TBC1D22A: variants seen among roughly 807,000 people sequenced by gnomAD.
TBC1D22A encodes TBC1 domain family member 22A.
In TBC1D22A, 38 loss-of-function variants were observed where a neutral mutation model predicts 60.2. The ratio of observed to expected loss-of-function variants is 0.63; its 90% CI spans 0.49 to 0.83. The LOEUF (loss-of-function observed/expected upper bound fraction) is 0.83, where lower values mean the gene tolerates loss of function less well. Among genes scored for constraint, TBC1D22A ranks in the 40% least tolerant of loss-of-function variants. TBC1D22A has a pLI of 0.00. For missense variants in TBC1D22A, 628 were observed against 701.0 expected, an observed-to-expected ratio of 0.90 and a Z score of 1.18; for synonymous variants, 302 against 281.7, an observed-to-expected ratio of 1.07 and a Z score of -0.72.
At chr22:46,914,187 G>A (rs533554339) in intron 8 of TBC1D22A, 1 of 152,338 alleles carries the variant, frequency 6.6e-6, no homozygotes, top group South Asian at 2.1e-4. Flanking sequence ...TGTAATCCGA[G>A]CACTTAAGGA....
At chr22:46,922,192 T>C (rs1325183403) in intron 8 of TBC1D22A, among the ~76,000 whole-genome samples, 1 of 152,244 alleles carries the variant, frequency 6.6e-6, no homozygotes, top group Non-Finnish European at 1.5e-5. Flanking sequence ...ATCAGATGGC[T>C]GTAAATGTGT....
In TBC1D22A at chr22:47,087,745, TAAAG is replaced by T. The variant is rs1037003054; in HGVS notation, c.1330-23760_1330-23757del. Among the ~76,000 whole-genome samples the T allele has an allele frequency of 7.9e-5, 12 of 152,194 alleles. 1 individual carries two copies. The highest frequency in any genetic ancestry group is 6.5e-4 in the Admixed American group (10 of 15,292). On this transcript the variant is annotated intron_variant, in intron 11 of 12. Transcript: ENST00000337137. ...CATAAAAGAGAATCAAGCATAAAAT[TAAAG>T]AAGTAAAACACCCATAAGCTTAAAT...
At chr22:46,872,933 GGAACCTGGCGAATGAGCCATAT>G (rs1342630925) in intron 4 of TBC1D22A, among the ~76,000 whole-genome samples, 1 of 152,170 alleles carries the variant, frequency 6.6e-6, no homozygotes, top group Non-Finnish European at 1.5e-5. Context: ...AGCACCTGCA[GGAACCTGGCGAATGAGCCATAT>G]GAACCTGGAA....
chr22:47,121,213 C>T (rs5766681), intron 12 of TBC1D22A, among the ~76,000 whole-genome samples: 1 of 152,124 alleles, frequency 6.6e-6, no homozygotes, highest in East Asian at 1.9e-4. Flanking sequence ...ATAAGCACCG[C>T]TTTTAGCGAG....
intron 8 of TBC1D22A, among the ~76,000 whole-genome samples, chr22:46,957,657 G>T (rs559258423): frequency 6.6e-6 from 1 of 152,346 alleles, no homozygotes; most frequent in African/African-American, 2.4e-5. Context: ...AGATGGGTTG[G>T]AACTGGCTCG....
intron 10 of TBC1D22A, among the ~76,000 whole-genome samples, chr22:47,001,797 G>T (rs1184580995): frequency 1.3e-5 from 2 of 152,108 alleles, no homozygotes; most frequent in East Asian, 3.9e-4. Flanking sequence ...TCGAAACAAG[G>T]CTCATGGCTA....
chr22:46,788,628 A>G (rs1011647113), intron 1 of TBC1D22A, among the ~76,000 whole-genome samples: 2 of 152,214 alleles, frequency 1.3e-5, no homozygotes, highest in Non-Finnish European at 2.9e-5. Flanking sequence ...CACCCAGGAC[A>G]GTGCCTGCCT....
intron 9 of TBC1D22A, among the ~76,000 whole-genome samples, chr22:46,991,283 C>G (rs966212780): frequency 1.3e-5 from 2 of 152,136 alleles, no homozygotes; most frequent in African/African-American, 2.4e-5. Flanking sequence ...AACATGCTGC[C>G]GAGCCCCGTC....
intron 11 of TBC1D22A, among the ~76,000 whole-genome samples, chr22:47,052,946 C>T (rs2063276113): frequency 6.6e-6 from 1 of 152,220 alleles, no homozygotes; most frequent in African/African-American, 2.4e-5. Context: ...CTGGATGCCA[C>T]GCAGCTGTGA....
At chr22:46,959,641 G>T (rs990244852) in intron 8 of TBC1D22A, among the ~76,000 whole-genome samples, 7 of 152,206 alleles carry the variant, frequency 4.6e-5, no homozygotes, top group African/African-American at 1.7e-4. Context: ...CTTCGGCTCG[G>T]TTCTGGTGCC....
At chr22:46,822,240 C>T (rs1406041951) in intron 4 of TBC1D22A, among the ~76,000 whole-genome samples, 2 of 152,094 alleles carry the variant, frequency 1.3e-5, no homozygotes, top group East Asian at 1.9e-4. Context: ...CTACTCCTGT[C>T]AATTTGTCCA....
chr22:46,989,232 A>G (rs2074842110), intron 9 of TBC1D22A, among the ~76,000 whole-genome samples: 1 of 152,192 alleles, frequency 6.6e-6, no homozygotes, highest in African/African-American at 2.4e-5. Context: ...GACCGCTGAA[A>G]CTTTGTCCAC....
At chr22:46,904,118 T>G (rs1241939349) in intron 7 of TBC1D22A, among the ~76,000 whole-genome samples, 1 of 81,044 alleles carries the variant, frequency 1.2e-5, no homozygotes, top group African/African-American at 5.2e-5. Flanking sequence ...TATCTATCTA[T>G]CTATCTATCT....
chr22:46,956,676 G>A (rs926242316), intron 8 of TBC1D22A, among the ~76,000 whole-genome samples: 3 of 152,216 alleles, frequency 2.0e-5, no homozygotes, highest in Non-Finnish European at 4.4e-5. Context: ...AGAAGCCTGT[G>A]GGCCTGTGGT....
intron 12 of TBC1D22A, among the ~76,000 whole-genome samples, chr22:47,129,490 A>T (rs1362860372): frequency 6.6e-6 from 1 of 152,230 alleles, no homozygotes; most frequent in Non-Finnish European, 1.5e-5. Context: ...AACAAACAAA[A>T]AAACAAAAAA....
In TBC1D22A at chr22:47,122,837, G is replaced by A. The variant is rs141889132; in HGVS notation, c.1425+11234G>A. 3.1e-3 allele frequency among the ~76,000 whole-genome samples: 470 copies of A among 152,322 alleles called. 4 individuals carry two copies. Among genetic ancestry groups the A allele is most frequent in the Non-Finnish European group, 5.2e-3 (351 of 68,032 alleles). ...CAGGGTGTGCCCAGCCTCTCTGGCT[G>A]TAGACCCCTGGAGTCCCTTTCATTT... On this transcript the variant is annotated intron_variant, in intron 12 of 12. Coordinates refer to ENST00000337137, the MANE Select transcript of TBC1D22A (RefSeq NM_014346.5).
chr22:47,014,806 G>A (rs2061857998), intron 10 of TBC1D22A, among the ~76,000 whole-genome samples: 1 of 152,152 alleles, frequency 6.6e-6, no homozygotes, highest in African/African-American at 2.4e-5. Flanking sequence ...GTGGTGGGGG[G>A]GACTGCTCCA....
intron 1 of TBC1D22A, among the ~76,000 whole-genome samples, chr22:46,776,397 G>C (rs899740308): frequency 1.8e-5 from 2 of 110,202 alleles, no homozygotes; most frequent in African/African-American, 5.8e-5. Flanking sequence ...AGTTGTGGCT[G>C]TGTGGTGGGG....
At chr22:46,795,768 C>T (rs1324689855) in intron 3 of TBC1D22A, among the ~76,000 whole-genome samples, 2 of 152,184 alleles carry the variant, frequency 1.3e-5, no homozygotes, top group South Asian at 2.1e-4. Context: ...GGGCTCTGCT[C>T]AGGAGTGAGC....
Sources: allele counts gnomAD v4.1 joint callset (sites outside exome capture counted in the v4.1 genomes callset), GRCh38; gene constraint gnomAD v4.1.1; transcripts MANE v1.5; gene names NCBI Gene and HGNC (gene_info 2026-07-23, HGNC 2026-07-21).